Variants in SPATA13 observed in about 807,000 individuals in gnomAD.
SPATA13 encodes spermatogenesis-associated protein 13.
Under a neutral mutation model 104.0 loss-of-function variants are expected in SPATA13, and 50 were observed. The observed-to-expected ratio is 0.48, with a 90% CI of 0.38 to 0.61. The LOEUF (loss-of-function observed/expected upper bound fraction) is 0.61, where lower values mean the gene tolerates loss of function less well. SPATA13 is among the 20% of genes least tolerant of loss of function. The pLI is 0.00. For missense variants in SPATA13, 1,524 were observed against 1,690.6 expected (o/e 0.90, Z 1.73); for synonymous variants, 606 against 667.5 (o/e 0.91, Z 1.42).
chr13:23,991,192 A>C (rs1179985705), intron 2 of SPATA13, among the ~76,000 whole-genome samples: 1 of 152,214 alleles, frequency 6.6e-6, no homozygotes, highest in Non-Finnish European at 1.5e-5. Flanking sequence ...TTCGGAATGC[A>C]GCATCACTCA....
At chr13:23,998,346 C>T (rs952820229) in intron 2 of SPATA13, among the ~76,000 whole-genome samples, 36 of 152,072 alleles carry the variant, frequency 2.4e-4, no homozygotes, top group African/African-American at 8.4e-4. Flanking sequence ...GAGCTTTTTT[C>T]TTGTTCTTAT....
At chr13:24,094,763 C>G (rs953876661) in intron 3 of SPATA13, among the ~76,000 whole-genome samples, 1 of 151,994 alleles carries the variant, frequency 6.6e-6, no homozygotes, top group Admixed American at 6.5e-5. Flanking sequence ...ATAGCAAGAC[C>G]CTGTGTCTAA....
intron 1 of SPATA13, among the ~76,000 whole-genome samples, chr13:24,194,670 G>T (rs1467950627): frequency 2.0e-5 from 3 of 152,206 alleles, no homozygotes; most frequent in Non-Finnish European, 4.4e-5. Flanking sequence ...CCACTGGAAG[G>T]ACTAGGATTT....
At chr13:24,022,168 G>A (rs762512839) in intron 3 of SPATA13, among the ~76,000 whole-genome samples, 3 of 148,602 alleles carry the variant, frequency 2.0e-5, no homozygotes, top group Non-Finnish European at 4.4e-5. Context: ...TCAGCCTCCC[G>A]AGTAGCTGGG....
intron 2 of SPATA13, among the ~76,000 whole-genome samples, chr13:23,989,739 T>G (rs956868975): frequency 6.6e-6 from 1 of 152,200 alleles, no homozygotes. Context: ...AATTCTATGC[T>G]GAAATCTAAC....
chr13:24,242,292 G>A (rs1872883013), intron 2 of SPATA13, among the ~76,000 whole-genome samples: 1 of 152,134 alleles, frequency 6.6e-6, no homozygotes, highest in African/African-American at 2.4e-5. Context: ...GCATGCGCAT[G>A]ACTATGTCTA....
chr13:24,239,553 G>GGCGT (rs1872729875), intron 2 of SPATA13, among the ~76,000 whole-genome samples: 1 of 150,754 alleles, frequency 6.6e-6, no homozygotes, highest in South Asian at 2.1e-4. Flanking sequence ...AAATTAGCCA[G>GGCGT]GCGTGGTGGT....
At chr13:24,063,853 G>A (rs1453580957) in intron 3 of SPATA13, among the ~76,000 whole-genome samples, 1 of 152,178 alleles carries the variant, frequency 6.6e-6, no homozygotes, top group African/African-American at 2.4e-5. Flanking sequence ...ACAGGGATGA[G>A]GGCACTCCAC....
chr13:24,075,465 G>A (rs567891557), intron 3 of SPATA13, among the ~76,000 whole-genome samples: 3 of 152,200 alleles, frequency 2.0e-5, no homozygotes, highest in African/African-American at 7.2e-5. Flanking sequence ...TTTTCATTAA[G>A]CCAAGGGTTT....
Position 24,286,613 on chromosome 13 carries a change from C to A in SPATA13, c.2482-152C>A. 2 of 831,234 alleles carry A rather than the reference C, an allele frequency of 2.4e-6. No individual in the cohort carries two copies. The highest frequency in any genetic ancestry group is 3.7e-6 in the Non-Finnish European group (2 of 543,858). 51.5% of individuals were successfully genotyped at this position (831,234 alleles called of 1,614,324 possible). A position where few individuals can be genotyped will look rare whatever the true frequency, so the allele number is the denominator to read the frequency against. On this transcript the variant is annotated intron_variant, in intron 6 of 12. Transcript: ENST00000382108. This position sits in a 1 kb window ranked among gnomAD's most constrained non-coding sequence, Gnocchi z 4.9. ...GTGGTCCTCGTGCCTGCTGGCATAG[C>A]CGCAGCCCTGCTGAGGCCATGAGAC... is the stretch of plus-strand genomic sequence containing the variant.
At chr13:24,089,458 A>AAG (rs1483196365) in intron 3 of SPATA13, among the ~76,000 whole-genome samples, 2 of 152,248 alleles carry the variant, frequency 1.3e-5, no homozygotes, top group African/African-American at 4.8e-5. Flanking sequence ...TAGTAGGCAG[A>AAG]AGAGTCTAGA....
rs1260924890 is a variant in SPATA13 at position 24,222,921 on chromosome 13, C to T, written c.-9C>T. 4 of 1,550,802 alleles carry T rather than the reference C, an allele frequency of 2.6e-6. No individual in the cohort carries two copies. The highest frequency in any genetic ancestry group is 2.6e-6 in the Non-Finnish European group (3 of 1,146,530). ...GCTGCGGTCTGCGGACTCGGCAGTGCCCGTGGCCATGACCCAGGCTGCCGT... is the reference window on the plus strand; with the variant it reads ...GCTGCGGTCTGCGGACTCGGCAGTGTCCGTGGCCATGACCCAGGCTGCCGT... On this transcript the variant is annotated 5_prime_UTR_variant, in exon 2 of 13. Coordinates refer to ENST00000382108, the MANE Select transcript of SPATA13 (RefSeq NM_001166271.3).
chr13:24,200,468 A>G (rs1870331142), intron 1 of SPATA13, among the ~76,000 whole-genome samples: 1 of 152,042 alleles, frequency 6.6e-6, no homozygotes, highest in South Asian at 2.1e-4. Context: ...GAAACGTGAA[A>G]TGCTACCATT....
intron 4 of SPATA13, among the ~76,000 whole-genome samples, chr13:24,271,272 A>G (rs1200142976): frequency 1.3e-5 from 2 of 151,906 alleles, no homozygotes; most frequent in Admixed American, 6.6e-5. Context: ...TTTGCTGCTG[A>G]TATTGTTACT....
intron 2 of SPATA13, among the ~76,000 whole-genome samples, chr13:23,999,441 A>AAG (rs2137670347): frequency 6.7e-6 from 1 of 150,368 alleles, no homozygotes; most frequent in East Asian, 2.0e-4. Context: ...CCAATTTGAG[A>AAG]AGATTTGGCA....
intron 3 of SPATA13, among the ~76,000 whole-genome samples, chr13:24,134,316 A>G (rs925577431): frequency 2.6e-5 from 4 of 152,190 alleles, no homozygotes; most frequent in African/African-American, 9.7e-5. Context: ...GAAAAGTGTA[A>G]GCCCTGGCCC....
chr13:24,257,849 A>C (rs139368253), intron 4 of SPATA13, among the ~76,000 whole-genome samples: 4,089 of 152,300 alleles, frequency 0.027, 66 homozygotes, highest in Non-Finnish European at 0.04. Context: ...AATAAATAAC[A>C]TCTTGATCTG....
intron 3 of SPATA13, among the ~76,000 whole-genome samples, chr13:24,124,030 G>A (rs1881130397): frequency 6.6e-6 from 1 of 152,146 alleles, no homozygotes; most frequent in East Asian, 1.9e-4. Flanking sequence ...AGCTAGGAAA[G>A]ATTGGGCCTG....
chr13:24,009,152 C>G (rs918166465), intron 2 of SPATA13, among the ~76,000 whole-genome samples: 6 of 152,236 alleles, frequency 3.9e-5, no homozygotes, highest in Non-Finnish European at 8.8e-5. Flanking sequence ...AAACTCTGCT[C>G]TGGTTCTTCC....
Sources: gnomAD v4.1 joint callset for allele counts (sites outside exome capture counted in the v4.1 genomes callset) on GRCh38, gnomAD v4.1.1 for gene constraint, Gnocchi (gnomAD v3.1) non-coding constraint, MANE v1.5 for transcripts, NCBI Gene and HGNC (gene_info 2026-07-23, HGNC 2026-07-21) for gene names.